Variants in RPL8 observed in about 807,000 individuals in gnomAD.
RPL8 encodes the protein large ribosomal subunit protein uL2.
For missense variants in RPL8, 248 were observed against 365.9 expected (o/e 0.68, Z 2.63); for synonymous variants, 182 against 143.2 (o/e 1.27, Z -1.94).
intron 2 of RPL8, 127 bp downstream of exon 2, chr8:144,791,646 G>A (rs1015751710): frequency 2.6e-6 from 4 of 1,523,624 alleles, no homozygotes; most frequent in African/African-American, 1.4e-5. Flanking sequence ...CACTGGTCTG[G>A]CCACGCGGAT....
intron 4 of RPL8, 111 bp from the exon 5 acceptor site, chr8:144,790,073 T>C (rs1022500901): frequency 7.6e-6 from 10 of 1,312,828 alleles, no homozygotes; most frequent in African/African-American, 3.0e-5. Context: ...CTCCACAGCA[T>C]GTGCCGCTAG....
chr8:144,792,334 G>C lies in RPL8; in HGVS notation c.-205C>G. 1.3e-6 allele frequency: 1 copy of C among 790,788 alleles called. No individual in the cohort carries two copies. Among genetic ancestry groups the C allele is most frequent in the Non-Finnish European group, 1.8e-6 (1 of 565,486 alleles). 49.0% of individuals were successfully genotyped at this position (790,788 alleles called of 1,614,324 possible). ...ACGGAAGAGGATGGCGGCGGATACT[G>C]CCCATGCCGCAAGGCCGCAAGGATG... On this transcript the variant is annotated 5_prime_UTR_variant, in exon 1 of 5. Transcript: ENST00000528957.
Position 144,791,820 on chromosome 8 carries a change from G to A in RPL8, c.233C>T (p.Ala78Val). 1 of 1,613,962 alleles carries A rather than the reference G, an allele frequency of 6.2e-7. No individual in the cohort carries two copies. Among genetic ancestry groups the A allele is most frequent in the Non-Finnish European group, 8.5e-7 (1 of 1,180,028 alleles). ...RFKKRTELFI[A>V]AEGIHTGQFV... ...CTGGCCCGTGTGAATGCCCTCGGCGGCAATGAACAGCTCCGTCCGCTTCTT... is the reference window on the plus strand; with the variant it reads ...CTGGCCCGTGTGAATGCCCTCGGCGACAATGAACAGCTCCGTCCGCTTCTT... Residue 78 changes from alanine to valine, a missense_variant, in exon 2 of 5, where the codon GCC becomes GTC. Ala to Val is a moderately conservative substitution (Grantham distance 64, BLOSUM62 0). Coordinates refer to ENST00000528957, the MANE Select transcript of RPL8 (RefSeq NM_001317782.2).
At chr8:144,790,251 C>A in intron 4 of RPL8, 104 bp downstream of exon 4, 1 of 974,136 alleles carries the variant, frequency 1.0e-6, no homozygotes, top group Non-Finnish European at 1.6e-6. Context: ...CTCCTCCCAC[C>A]GTAGATCCCC....
At chr8:144,791,140 C>G (rs1464067081) in intron 3 of RPL8, 137 bp downstream of exon 3, 5 of 787,722 alleles carry the variant, frequency 6.3e-6, no homozygotes, top group East Asian at 2.6e-5. Context: ...ACAGGATGAG[C>G]TCAAACTTAC....
At chr8:144,790,261 CCTCCTGCAGG>C in intron 4 of RPL8, 84 bp downstream of exon 4, 6 of 1,055,548 alleles carry the variant, frequency 5.7e-6, no homozygotes, top group Non-Finnish European at 8.7e-6. Context: ...CGTAGATCCC[CCTCCTGCAGG>C]GACACCTGTG....
rs1314933548 is a variant in RPL8 at position 144,790,416 on chromosome 8, G to A, written c.554C>T (p.Ala185Val). The A allele has an allele frequency of 5.6e-6, 9 of 1,614,054 alleles. No homozygotes were observed. The highest frequency in any genetic ancestry group is 2.2e-5 in the East Asian group (1 of 44,882). Reference protein sequence around the residue: ...IDKPILKAGRAYHKYKAKRNC... With the variant: ...IDKPILKAGRVYHKYKAKRNC... ...CCTCTTTGCCTTATATTTGTGGTAC[G>A]CCCGGCCAGCCTTCAAGATGGGTTT... Residue 185 changes from alanine to valine, a missense_variant, in exon 4 of 5, where the codon GCG becomes GTG. Ala to Val is a moderately conservative substitution (Grantham distance 64). Transcript: ENST00000528957.
In RPL8 at chr8:144,792,243, AC is replaced by A; in HGVS notation, c.-115del. 2 of 1,334,474 alleles carry A rather than the reference AC, an allele frequency of 1.5e-6. No homozygotes were observed. Among genetic ancestry groups the A allele is most frequent in the Admixed American group, 7.6e-5 (2 of 26,202 alleles). 82.7% of individuals were successfully genotyped at this position (1,334,474 alleles called of 1,614,324 possible). A position where few individuals can be genotyped will look rare whatever the true frequency, so the allele number is the denominator to read the frequency against. ...GAGGCCGCCGCGCCCACCACTCCCTACCCTCTCCGCGGGCGCCCGCACCGGC... is the reference window on the plus strand; with the variant it reads ...GAGGCCGCCGCGCCCACCACTCCCTACCTCTCCGCGGGCGCCCGCACCGGC... On this transcript the variant is annotated 5_prime_UTR_variant, in exon 1 of 5. An upstream open reading frame in the 5' UTR gains an earlier in-frame stop. Coordinates refer to ENST00000528957, the MANE Select transcript of RPL8 (RefSeq NM_001317782.2).
chr8:144,791,906 G>A lies in RPL8; in HGVS notation c.147C>T (p.Ile49=), dbSNP rs11539898. ...GYIKGIVKDI[I]HDPGRGAPLA... ...GGGGCGCGCCGCGGCCCGGGTCGTG[G>A]ATGATGTCCTGTGGGCAGAGGCGGC... Residue 49 remains isoleucine, a synonymous_variant, in exon 2 of 5, where the codon ATC becomes ATT. Transcript: ENST00000528957. The A allele has an allele frequency of 4.0e-4, 648 of 1,613,146 alleles. 5 individuals are homozygous for A. The African/African-American group carries it at 7.4e-3, about 18-fold the overall frequency.
rs113185948 is a variant in RPL8 at position 144,790,096 on chromosome 8, A to G, written c.616-134T>C. 19,059 of 1,133,742 alleles carry G rather than the reference A, an allele frequency of 0.017. 2,294 individuals are homozygous for G. The African/African-American group carries it at 0.26, about 15-fold the overall frequency. 70.2% of individuals were successfully genotyped at this position (1,133,742 alleles called of 1,614,324 possible). A position where few individuals can be genotyped will look rare whatever the true frequency, so the allele number is the denominator to read the frequency against. On this transcript the variant is annotated intron_variant, in intron 4 of 4. Transcript: ENST00000528957. ...CATGTGCCGCTAGACAACCCCAGTC[A>G]GGCTGACTCTTTCCAGCTCAGGCCC...
chr8:144,790,495 G>T lies in RPL8; in HGVS notation c.500-25C>A, dbSNP rs114629571. 1.8e-3 allele frequency: 2,853 copies of T among 1,585,526 alleles called. 50 individuals are homozygous for T. In the African/African-American group the frequency reaches 0.033, roughly 18 times the overall value. On this transcript the variant is annotated intron_variant, in intron 3 of 4. Coordinates refer to ENST00000528957, the MANE Select transcript of RPL8 (RefSeq NM_001317782.2). ...CCTGTAGGGGATCAGATACCTCAGG[G>T]AACCCCCAGTCGGTCAGAGCACCCC...
At position 144,790,051 on chromosome 8, in the gene RPL8, C is replaced by T. The variant is rs2976660; in HGVS notation, c.616-89G>A. The T allele has an allele frequency of 1.4e-3, 2,041 of 1,438,010 alleles. 30 individuals carry two copies. In the African/African-American group the frequency reaches 0.026, roughly 18 times the overall value. The allele number at this position is 1,438,010 out of a possible 1,614,324, so 89.1% of individuals were successfully genotyped here. A position where few individuals can be genotyped will look rare whatever the true frequency, so the allele number is the denominator to read the frequency against. The stretch of plus-strand genomic sequence containing the variant: ...GTCCCACCCGTCAGGGGCCCAATTC[C>T]GCGAAGCCCCTCTCCACAGCATGTG... On this transcript the variant is annotated intron_variant, in intron 4 of 4. Transcript: ENST00000528957.
At chr8:144,790,011 G>A (rs756900145) in intron 4 of RPL8, 49 bp from the exon 5 acceptor site, 39 of 1,505,406 alleles carry the variant, frequency 2.6e-5, no homozygotes, top group African/African-American at 2.9e-5. Flanking sequence ...CACCACCCCC[G>A]CCCCCGGCCT....
At position 144,792,131 on chromosome 8, in the gene RPL8, G is replaced by A; in HGVS notation, c.-2C>T. On this transcript the variant is annotated 5_prime_UTR_variant, in exon 1 of 5. Coordinates refer to ENST00000528957, the MANE Select transcript of RPL8 (RefSeq NM_001317782.2). Reference sequence around the variant, plus strand: ...CTGTCCACGGATCACACGGCCCATGGCGACGGGTCCTGGGGGCGACTCACG... The same window carrying A: ...CTGTCCACGGATCACACGGCCCATGACGACGGGTCCTGGGGGCGACTCACG... 1.3e-6 allele frequency: 2 copies of A among 1,526,510 alleles called. No homozygotes were observed. The highest frequency in any genetic ancestry group is 2.3e-5 in the East Asian group (1 of 42,724). The allele number at this position is 1,526,510 out of a possible 1,614,324, so 94.6% of individuals were successfully genotyped here.
In RPL8 at chr8:144,791,371, G is replaced by C. The variant is rs779138064; in HGVS notation, c.405C>G (p.Thr135=). 1 of 1,613,810 alleles carries C rather than the reference G, an allele frequency of 6.2e-7. No individual in the cohort carries two copies. The highest frequency in any genetic ancestry group is 1.1e-5 in the South Asian group (1 of 91,072). Residue 135 remains threonine, a synonymous_variant, in exon 3 of 5, where the codon ACC becomes ACG. Transcript: ENST00000528957. ...TGGTCTCAGGGTTGTGGGAGATAAC[G>C]GTGGCATAGTTCCCTGATGCCCGGG... The part of the protein sequence containing the change: ...KLARASGNYA[T]VISHNPETKK...
At chr8:144,790,605 G>A in intron 3 of RPL8, 135 bp from the exon 4 acceptor site, 2 of 721,948 alleles carry the variant, frequency 2.8e-6, no homozygotes, top group Non-Finnish European at 5.0e-6. Context: ...CCACCCTAGG[G>A]AGCCCCTTGC....
rs113959877 is a variant in RPL8, at chr8:144,790,403, A to G, written c.567T>C (p.Tyr189=). Residue 189 remains tyrosine, a synonymous_variant, in exon 4 of 5, where the codon TAT becomes TAC. Coordinates refer to ENST00000528957, the MANE Select transcript of RPL8 (RefSeq NM_001317782.2). ...ILKAGRAYHK[Y]KAKRNCWPRV... is the part of the protein sequence containing the mutation. The stretch of plus-strand genomic sequence containing the variant: ...GTGGCCAGCAGTTCCTCTTTGCCTT[A>G]TATTTGTGGTACGCCCGGCCAGCCT... 6.2e-6 allele frequency: 10 copies of G among 1,614,112 alleles called. No homozygotes were observed. Among genetic ancestry groups the G allele is most frequent in the Admixed American group, 3.3e-5 (2 of 60,018 alleles).
intron 3 of RPL8, chr8:144,790,769 G>A (rs565363429): frequency 1.4e-5 from 9 of 621,044 alleles, no homozygotes; most frequent in Admixed American, 1.1e-4. Flanking sequence ...TCAACCTGAC[G>A]TAAGACACTT....
chr8:144,791,712 T>A (rs1826526436), intron 2 of RPL8, 61 bp downstream of exon 2: 1 of 1,607,158 alleles, frequency 6.2e-7, no homozygotes, highest in Admixed American at 1.7e-5. Flanking sequence ...GGACGTTAAC[T>A]CCTCAGGCAA....
Sources: gnomAD v4.1 joint callset for allele counts on GRCh38, gnomAD v4.1.1 for gene constraint, MANE v1.5 for transcripts, NCBI Gene and HGNC (gene_info 2026-07-23, HGNC 2026-07-21) for gene names.